Variants in TMEM74 observed in about 807,000 individuals in gnomAD.
TMEM74 encodes the protein transmembrane protein 74.
A neutral mutation model predicts 18.1 loss-of-function variants in TMEM74; 13 were observed. The observed-to-expected ratio is 0.72, with a 90% CI of 0.47 to 1.14. The LOEUF (loss-of-function observed/expected upper bound fraction) is 1.14. Ranked by LOEUF, TMEM74 falls within the 50% of genes most tolerant of loss-of-function variation. TMEM74 has a pLI of 0.00. For missense variants in TMEM74, 372 were observed against 375.9 expected (o/e 0.99, Z 0.09); for synonymous variants, 159 against 146.6 (o/e 1.08, Z -0.61).
intron 1 of TMEM74, among the ~76,000 whole-genome samples, chr8:108,662,438 A>G (rs1812909882): frequency 6.6e-6 from 1 of 152,052 alleles, no homozygotes; most frequent in Non-Finnish European, 1.5e-5. Context: ...TGAGAACTTT[A>G]AGGAAAGGGA....
At chr8:108,669,790 C>A (rs927797274) in intron 1 of TMEM74, among the ~76,000 whole-genome samples, 1 of 151,986 alleles carries the variant, frequency 6.6e-6, no homozygotes, top group Non-Finnish European at 1.5e-5. Flanking sequence ...GTAATCCCAG[C>A]ACTTTGGGAG....
At chr8:108,666,447 T>C (rs1000233898) in intron 1 of TMEM74, among the ~76,000 whole-genome samples, 1 of 152,126 alleles carries the variant, frequency 6.6e-6, no homozygotes, top group African/African-American at 2.4e-5. Context: ...GAATATTAGT[T>C]TTGGTTCCCC....
chr8:108,665,989 G>A (rs1812945466), intron 1 of TMEM74, among the ~76,000 whole-genome samples: 1 of 152,098 alleles, frequency 6.6e-6, no homozygotes, highest in South Asian at 2.1e-4. Flanking sequence ...TACTTACATT[G>A]CCAAAACAAT....
intron 1 of TMEM74, among the ~76,000 whole-genome samples, chr8:108,690,404 C>T (rs1813214070): frequency 6.6e-6 from 1 of 151,588 alleles, no homozygotes; most frequent in African/African-American, 2.4e-5. Flanking sequence ...TTTTTAGTCC[C>T]CCAGTGTTCT....
chr8:108,641,841 A>C (rs1812668230), intron 2 of TMEM74, among the ~76,000 whole-genome samples: 1 of 152,144 alleles, frequency 6.6e-6, no homozygotes, highest in African/African-American at 2.4e-5. Context: ...GGGGCTTCAT[A>C]AACTTTATTC....
At chr8:108,752,361 G>A (rs1441094470) in intron 1 of TMEM74, among the ~76,000 whole-genome samples, 1 of 152,038 alleles carries the variant, frequency 6.6e-6, no homozygotes, top group Non-Finnish European at 1.5e-5. Flanking sequence ...TCACCTAAAG[G>A]CTGTGACGAG....
intron 1 of TMEM74, among the ~76,000 whole-genome samples, chr8:108,683,835 T>C (rs1338092631): frequency 6.6e-6 from 1 of 152,062 alleles, no homozygotes; most frequent in Non-Finnish European, 1.5e-5. Flanking sequence ...CTTCCATATA[T>C]AGTGAGAACA....
At chr8:108,635,739 C>A (rs1812601161) in intron 2 of TMEM74, among the ~76,000 whole-genome samples, 1 of 152,056 alleles carries the variant, frequency 6.6e-6, no homozygotes, top group African/African-American at 2.4e-5. Flanking sequence ...CTATTCCAGC[C>A]TGCAACCTTG....
At chr8:108,756,728 AAGAAAGAG>A (rs1813977612) in intron 1 of TMEM74, among the ~76,000 whole-genome samples, 1 of 91,530 alleles carries the variant, frequency 1.1e-5, no homozygotes, top group Non-Finnish European at 2.2e-5. Context: ...AAGAGAAAGA[AAGAAAGAG>A]AAAGAAAGAA....
intron 2 of TMEM74, among the ~76,000 whole-genome samples, chr8:108,616,776 G>T (rs1335110998): frequency 6.6e-6 from 1 of 151,996 alleles, no homozygotes; most frequent in Non-Finnish European, 1.5e-5. Flanking sequence ...GTTGATTTAA[G>T]TTTCACATAG....
At chr8:108,626,247 G>A (rs555905665) in intron 2 of TMEM74, among the ~76,000 whole-genome samples, 1 of 151,612 alleles carries the variant, frequency 6.6e-6, no homozygotes, top group South Asian at 2.1e-4. Flanking sequence ...TCTCTATATT[G>A]GAAAAAATCC....
At position 108,666,109 on chromosome 8, in the gene TMEM74, G is replaced by A. The variant is rs531874460; in HGVS notation, n.120-10672C>T. ...ATAATAAGAATAACTGAACTTTTAG[G>A]CACAGGTCTCATTTATTTGGACTGA... On this transcript the variant is annotated intron_variant and non_coding_transcript_variant, in intron 1 of 3. Coordinates refer to the TMEM74 transcript ENST00000518838. Among the ~76,000 whole-genome samples the A allele has an allele frequency of 7.9e-5, 12 of 152,214 alleles. No homozygotes were observed. In the East Asian group the frequency reaches 2.3e-3, roughly 29 times the overall value.
chr8:108,677,549 T>G lies in TMEM74; in HGVS notation n.120-22112A>C, dbSNP rs1004361510. On this transcript the variant is annotated intron_variant and non_coding_transcript_variant, in intron 1 of 3. Transcript: ENST00000518838. ...AAAACGGCCTTAGTATTCTGTTGTT[T>G]TTTTTTTTTTCTGAAACAAATGAAT... Among the ~76,000 whole-genome samples, 11 of 150,734 alleles carry G rather than the reference T, an allele frequency of 7.3e-5. No homozygotes were observed. The Middle Eastern group carries it at 0.017, about 235-fold the overall frequency.
chr8:108,678,356 CATT>C (rs1288656531), intron 1 of TMEM74, among the ~76,000 whole-genome samples: 1 of 151,806 alleles, frequency 6.6e-6, no homozygotes, highest in South Asian at 2.1e-4. Flanking sequence ...CCTACGCTGC[CATT>C]ATTATTATTT....
intron 1 of TMEM74, among the ~76,000 whole-genome samples, chr8:108,729,733 C>G (rs533750811): frequency 6.6e-6 from 1 of 152,314 alleles, no homozygotes; most frequent in African/African-American, 2.4e-5. Context: ...TCATCCCATT[C>G]CATTCTATTC....
At chr8:108,656,048 T>C (rs1408307440) in intron 1 of TMEM74, among the ~76,000 whole-genome samples, 1 of 152,104 alleles carries the variant, frequency 6.6e-6, no homozygotes, top group Admixed American at 6.5e-5. Context: ...GGGCCAGAAG[T>C]GCTCTTATTC....
At chr8:108,741,311 G>A (rs1366002375) in intron 1 of TMEM74, among the ~76,000 whole-genome samples, 1 of 152,146 alleles carries the variant, frequency 6.6e-6, no homozygotes, top group African/African-American at 2.4e-5. Flanking sequence ...AAATTCTTAG[G>A]TTGAGTGGTT....
chr8:108,650,974 GTGTTGGGA>G (rs1563740654), intron 2 of TMEM74, among the ~76,000 whole-genome samples: 1 of 152,118 alleles, frequency 6.6e-6, no homozygotes, highest in African/African-American at 2.4e-5. Flanking sequence ...GCCTCGCAAA[GTGTTGGGA>G]TTACAGGCGT....
At chr8:108,612,815 A>G (rs1812346450) in intron 2 of TMEM74, among the ~76,000 whole-genome samples, 1 of 152,190 alleles carries the variant, frequency 6.6e-6, no homozygotes, top group East Asian at 1.9e-4. Context: ...TTGAAGAAGA[A>G]CTATTCCCTA....
Sources: gnomAD v4.1 joint callset for allele counts (sites outside exome capture counted in the v4.1 genomes callset) on GRCh38, gnomAD v4.1.1 for gene constraint, MANE v1.5 for transcripts, NCBI Gene and HGNC (gene_info 2026-07-23, HGNC 2026-07-21) for gene names.